CLYBL: variants seen among roughly 807,000 people sequenced by gnomAD.
The protein encoded by CLYBL is citramalyl-CoA lyase, mitochondrial.
In CLYBL, 31 loss-of-function variants were observed where a neutral mutation model predicts 38.9. The observed-to-expected ratio is 0.80, with a 90% CI of 0.60 to 1.08. The LOEUF (loss-of-function observed/expected upper bound fraction) is 1.08. Ranked by LOEUF, CLYBL falls within the 50% of genes least tolerant of loss-of-function variation. CLYBL has a pLI of 0.00. For missense variants in CLYBL, 434 were observed against 411.6 expected (o/e 1.05, Z -0.47); for synonymous variants, 171 against 158.6 (o/e 1.08, Z -0.59).
intron 2 of CLYBL, among the ~76,000 whole-genome samples, chr13:99,844,835 A>G (rs764687382): frequency 2.1e-4 from 32 of 152,174 alleles, no homozygotes; most frequent in Non-Finnish European, 3.2e-4. Flanking sequence ...TGGGCATTCA[A>G]AGTCACTGTC....
chr13:99,847,125 G>C (rs2051224162), intron 2 of CLYBL, among the ~76,000 whole-genome samples: 1 of 152,182 alleles, frequency 6.6e-6, no homozygotes, highest in South Asian at 2.1e-4. Context: ...GCTCAGGCCA[G>C]GGACAGGTGA....
At chr13:99,873,528 T>C (rs772147189) in intron 7 of CLYBL, among the ~76,000 whole-genome samples, 4 of 152,200 alleles carry the variant, frequency 2.6e-5, no homozygotes, top group Non-Finnish European at 5.9e-5. Context: ...TTCCTCCCTC[T>C]GATGAAAATT....
chr13:99,787,934 C>G (rs1196941044), intron 2 of CLYBL, among the ~76,000 whole-genome samples: 1 of 152,164 alleles, frequency 6.6e-6, no homozygotes, highest in African/African-American at 2.4e-5. Context: ...AAGTTGGATT[C>G]CTAGGTATTT....
At chr13:99,785,837 C>T (rs950216937) in intron 2 of CLYBL, among the ~76,000 whole-genome samples, 1 of 152,142 alleles carries the variant, frequency 6.6e-6, no homozygotes, top group Admixed American at 6.5e-5. Flanking sequence ...ACCTCGTGAT[C>T]TACCCACCTC....
intron 1 of CLYBL, among the ~76,000 whole-genome samples, chr13:99,749,382 C>T (rs187638531): frequency 6.6e-5 from 10 of 152,230 alleles, no homozygotes; most frequent in African/African-American, 2.2e-4. Flanking sequence ...TATCTGATGT[C>T]CAACCCTTTT....
At chr13:99,658,191 C>T (rs1051324048) in intron 1 of CLYBL, among the ~76,000 whole-genome samples, 8 of 152,248 alleles carry the variant, frequency 5.3e-5, no homozygotes, top group African/African-American at 1.7e-4. Flanking sequence ...AAGGGGCCGC[C>T]GGCAGGGGAC....
At chr13:99,608,847 C>CTTTTT (rs57961216) in intron 1 of CLYBL, among the ~76,000 whole-genome samples, 30 of 87,850 alleles carry the variant, frequency 3.4e-4, no homozygotes, top group South Asian at 1.7e-3. Flanking sequence ...AGTGATGAGT[C>CTTTTT]TTTTTTTTTT....
intron 2 of CLYBL, among the ~76,000 whole-genome samples, chr13:99,792,878 G>A (rs1269846348): frequency 6.6e-6 from 1 of 151,622 alleles, no homozygotes; most frequent in East Asian, 1.9e-4. Context: ...CAAAGTTATT[G>A]GCTTATTATT....
At chr13:99,646,476 C>T (rs1029643632) in intron 1 of CLYBL, among the ~76,000 whole-genome samples, 3 of 150,634 alleles carry the variant, frequency 2.0e-5, no homozygotes, top group Non-Finnish European at 4.4e-5. Context: ...GGGTCAGGTT[C>T]CTCTGACTAT....
intron 1 of CLYBL, among the ~76,000 whole-genome samples, chr13:99,627,796 A>G (rs7336899): frequency 0.46 from 69,374 of 152,118 alleles, 16,398 homozygotes; most frequent in East Asian, 0.79. Flanking sequence ...TCCCAGGAGA[A>G]ATAATGTTGC....
chr13:99,868,256 T>C (rs1729077562), intron 6 of CLYBL, among the ~76,000 whole-genome samples: 1 of 152,208 alleles, frequency 6.6e-6, no homozygotes, highest in African/African-American at 2.4e-5. Flanking sequence ...CAATAAGAGG[T>C]AATCAATCTG....
Position 99,869,409 on chromosome 13 carries a change from G to T in CLYBL, c.803-1529G>T, listed in dbSNP as rs1025076565. ...TGACATCCTTTATTAACAATATCCC[G>T]ACAACTATTAAATTACTTAAATATA... On this transcript the variant is annotated intron_variant, in intron 6 of 8. Transcript: ENST00000339105. This position sits in a 1 kb window ranked among gnomAD's most constrained non-coding sequence, Gnocchi z 4.3. Among the ~76,000 whole-genome samples the T allele has an allele frequency of 6.6e-6, 1 of 152,014 alleles. No individual in the cohort carries two copies. The highest frequency in any genetic ancestry group is 1.5e-5 in the Non-Finnish European group (1 of 67,970).
rs113904232 is a variant in CLYBL, at chr13:99,714,195, C to G, written c.63-58629C>G. 3.4e-3 allele frequency among the ~76,000 whole-genome samples: 524 copies of G among 152,218 alleles called. 3 individuals carry two copies. The highest frequency in any genetic ancestry group is 0.012 in the African/African-American group (502 of 41,530). ...TTCTCTGTTTGTTCTGTTTTTTGCT[C>G]TGTTCTGCTCTTTGCATTGTCCGTT... On this transcript the variant is annotated intron_variant, in intron 1 of 8. Transcript: ENST00000339105.
At chr13:99,731,278 C>A (rs889043504) in intron 1 of CLYBL, among the ~76,000 whole-genome samples, 1 of 150,088 alleles carries the variant, frequency 6.7e-6, no homozygotes, top group East Asian at 2.0e-4. Context: ...ACTTTTGTTT[C>A]TTTACTAAAG....
intron 2 of CLYBL, among the ~76,000 whole-genome samples, chr13:99,782,886 C>A (rs1406326987): frequency 6.6e-6 from 1 of 151,650 alleles, no homozygotes; most frequent in African/African-American, 2.4e-5. Flanking sequence ...TTCATTCTAT[C>A]CTCCTTCTCT....
chr13:99,669,251 C>G (rs556704362), intron 1 of CLYBL, among the ~76,000 whole-genome samples: 1 of 152,242 alleles, frequency 6.6e-6, no homozygotes, highest in African/African-American at 2.4e-5. Context: ...ATCTGCCCGC[C>G]TCAGCCTCCT....
At chr13:99,773,045 G>A (rs767662039) in intron 2 of CLYBL, 35 bp downstream of exon 2, 1 of 1,581,554 alleles carries the variant, frequency 6.3e-7, no homozygotes, top group South Asian at 1.2e-5. Context: ...AAAAAGAAAG[G>A]TATTGAAATT....
At chr13:99,825,781 T>C (rs1228994907) in intron 2 of CLYBL, among the ~76,000 whole-genome samples, 1 of 152,186 alleles carries the variant, frequency 6.6e-6, no homozygotes, top group Non-Finnish European at 1.5e-5. Context: ...AGATTGCCAT[T>C]CCTGCACTGG....
chr13:99,805,154 C>T (rs751308368), intron 2 of CLYBL, among the ~76,000 whole-genome samples: 36 of 152,176 alleles, frequency 2.4e-4, no homozygotes, highest in African/African-American at 6.7e-4. Flanking sequence ...TTTGCTTATC[C>T]GCTTATCTGT....
Sources: gnomAD v4.1 joint callset for allele counts (sites outside exome capture counted in the v4.1 genomes callset) on GRCh38, gnomAD v4.1.1 for gene constraint, Gnocchi (gnomAD v3.1) non-coding constraint, MANE v1.5 for transcripts, NCBI Gene and HGNC (gene_info 2026-07-23, HGNC 2026-07-21) for gene names.